The following TMC2 variants were observed in gnomAD, a reference collection of about 807,000 sequenced individuals.
The protein encoded by TMC2 is transmembrane channel-like protein 2.
Under a neutral mutation model 105.9 loss-of-function variants are expected in TMC2, and 102 were observed. That is an observed-to-expected ratio of 0.96 (90% CI 0.82 to 1.14). The LOEUF is 1.14. Among genes scored for constraint, TMC2 ranks in the 50% most tolerant of loss-of-function variants. TMC2 has a pLI of 0.00. For missense variants in TMC2, 1,093 were observed against 1,134.3 expected, an observed-to-expected ratio of 0.96 and a Z score of 0.52; for synonymous variants, 402 against 422.8, an observed-to-expected ratio of 0.95 and a Z score of 0.60.
At chr20:2,582,746 G>A (rs755996204) in intron 7 of TMC2, among the ~76,000 whole-genome samples, 1 of 152,214 alleles carries the variant, frequency 6.6e-6, no homozygotes, top group Non-Finnish European at 1.5e-5. Context: ...AAAGTGTTGG[G>A]ATTACAGGCA....
intron 9 of TMC2, among the ~76,000 whole-genome samples, chr20:2,596,007 G>A (rs931470918): frequency 1.3e-5 from 2 of 152,184 alleles, no homozygotes; most frequent in African/African-American, 4.8e-5. Context: ...TAGCCCTCAT[G>A]TTGTTGCTTT....
intron 7 of TMC2, among the ~76,000 whole-genome samples, chr20:2,581,958 C>T (rs2325890): frequency 0.71 from 107,872 of 151,834 alleles, 38,809 homozygotes; most frequent in African/African-American, 0.82. Flanking sequence ...GAAAACCATA[C>T]TGGAGTGGGT....
intron 2 of TMC2, among the ~76,000 whole-genome samples, chr20:2,551,352 C>T (rs760469598): frequency 7.0e-5 from 10 of 142,516 alleles, no homozygotes; most frequent in African/African-American, 2.1e-4. Context: ...TTTGGATACA[C>T]GTCCTTTGTC....
chr20:2,582,366 A>G (rs1287205735), intron 7 of TMC2, among the ~76,000 whole-genome samples: 1 of 152,256 alleles, frequency 6.6e-6, no homozygotes, highest in East Asian at 1.9e-4. Context: ...GCTAAGGTTC[A>G]GAGATATCCC....
At chr20:2,603,257 T>C (rs754275833) in intron 11 of TMC2, among the ~76,000 whole-genome samples, 21 of 148,374 alleles carry the variant, frequency 1.4e-4, no homozygotes, top group Admixed American at 2.7e-4. Flanking sequence ...CACAGAATCA[T>C]GAGCTAAATA....
intron 4 of TMC2, 90 bp from the exon 5 acceptor site, chr20:2,572,089 C>A: frequency 2.1e-6 from 2 of 947,394 alleles, no homozygotes; most frequent in East Asian, 2.4e-5. Flanking sequence ...AAGACATAAG[C>A]CTTCACACAT....
chr20:2,580,304 C>T (rs962410894), intron 7 of TMC2, among the ~76,000 whole-genome samples: 1 of 152,148 alleles, frequency 6.6e-6, no homozygotes, highest in Non-Finnish European at 1.5e-5. Context: ...ACTACAATTA[C>T]TTTTGCACCA....
At chr20:2,601,628 G>A (rs929328597) in intron 10 of TMC2, among the ~76,000 whole-genome samples, 7 of 151,930 alleles carry the variant, frequency 4.6e-5, no homozygotes, top group African/African-American at 1.5e-4. Context: ...ATCACCTAAG[G>A]TCAGGAGATC....
chr20:2,625,903 G>C (rs962751692), intron 17 of TMC2, among the ~76,000 whole-genome samples: 2 of 152,094 alleles, frequency 1.3e-5, no homozygotes, highest in African/African-American at 4.8e-5. Flanking sequence ...CTATTTTCTT[G>C]AACATAGTGG....
At chr20:2,554,196 A>G (rs1483218465) in intron 2 of TMC2, among the ~76,000 whole-genome samples, 1 of 152,064 alleles carries the variant, frequency 6.6e-6, no homozygotes, top group Non-Finnish European at 1.5e-5. Flanking sequence ...CTCCTTTATT[A>G]TCTTTTTAAT....
intron 2 of TMC2, among the ~76,000 whole-genome samples, chr20:2,541,758 G>A (rs1164846267): frequency 3.3e-5 from 5 of 151,926 alleles, no homozygotes; most frequent in South Asian, 4.1e-4. Context: ...TTTATATTGC[G>A]ACCAGTAATA....
In TMC2 at chr20:2,558,548, C is replaced by A. The variant is rs2085999679; in HGVS notation, c.175C>A (p.Arg59Ser). 6.4e-7 allele frequency: 1 copy of A among 1,553,226 alleles called. No homozygotes were observed. The highest frequency in any genetic ancestry group is 8.7e-7 in the Non-Finnish European group (1 of 1,148,172). The change falls in exon 3 of 20, where the codon CGC becomes AGC. Residue 59 changes from arginine (R) to serine (S), a missense_variant. Coordinates refer to ENST00000358864, the MANE Select transcript of TMC2 (RefSeq NM_080751.3). The surrounding 1 kb of genome is among the most constrained non-coding windows in gnomAD (Gnocchi z 4.6). ...RRGAQRSQKERAGGSPSPGSP... is the reference protein window; with the variant it reads ...RRGAQRSQKESAGGSPSPGSP... Reference sequence around the variant, plus strand: ...CGGAGCTCAGCGAAGCCAGAAGGAGCGCGCCGGGGGCAGCCCAAGCCCGGG... The same window carrying A: ...CGGAGCTCAGCGAAGCCAGAAGGAGAGCGCCGGGGGCAGCCCAAGCCCGGG...
intron 2 of TMC2, among the ~76,000 whole-genome samples, chr20:2,546,695 A>G (rs2085928516): frequency 6.6e-6 from 1 of 152,180 alleles, no homozygotes. Context: ...AGTCCTTCCA[A>G]CTGGGGTTCT....
At chr20:2,628,974 C>G (rs6037151) in intron 17 of TMC2, among the ~76,000 whole-genome samples, 1 of 143,458 alleles carries the variant, frequency 7.0e-6, no homozygotes, top group Non-Finnish European at 1.6e-5. Context: ...TGGTGGCGGG[C>G]GCCTGTGGTC....
At chr20:2,625,503 T>C (rs1432437652) in intron 17 of TMC2, among the ~76,000 whole-genome samples, 2 of 152,242 alleles carry the variant, frequency 1.3e-5, no homozygotes, top group Non-Finnish European at 2.9e-5. Context: ...TTTTAAACCT[T>C]TTCATGAATG....
chr20:2,573,255 T>C (rs2086115919), intron 5 of TMC2, among the ~76,000 whole-genome samples: 1 of 152,324 alleles, frequency 6.6e-6, no homozygotes, highest in East Asian at 1.9e-4. Context: ...TTTCTTTTAA[T>C]CCTGTATTTA....
chr20:2,554,596 A>G (rs146193635), intron 2 of TMC2, among the ~76,000 whole-genome samples: 1 of 152,202 alleles, frequency 6.6e-6, no homozygotes, highest in Non-Finnish European at 1.5e-5. Context: ...CTTTCTAAGC[A>G]CTGCTTTTGC....
At chr20:2,557,009 T>C (rs2085989290) in intron 2 of TMC2, among the ~76,000 whole-genome samples, 2 of 152,174 alleles carry the variant, frequency 1.3e-5, no homozygotes. Flanking sequence ...TTTCAAGATT[T>C]TATCTTTGTC....
rs566547586 is a variant in TMC2 at position 2,537,118 on chromosome 20, G to A, written c.35-151G>A. 7 of 684,444 alleles carry A rather than the reference G, an allele frequency of 1.0e-5. No individual in the cohort carries two copies. In the Admixed American group the frequency reaches 1.6e-4, roughly 15 times the overall value. The allele number at this position is 684,444 out of a possible 1,614,324, so 42.4% of individuals were successfully genotyped here. A position where few individuals can be genotyped will look rare whatever the true frequency, so the allele number is the denominator to read the frequency against. On this transcript the variant is annotated intron_variant, in intron 1 of 19. Transcript: ENST00000358864. ...TATCAGACAAATGTGACAGGCAGGGGACTCTATAATTTGCTGAGTAAAATC... is the reference window on the plus strand; with the variant it reads ...TATCAGACAAATGTGACAGGCAGGGAACTCTATAATTTGCTGAGTAAAATC...
Sources: gnomAD v4.1 joint callset for allele counts (sites outside exome capture counted in the v4.1 genomes callset) on GRCh38, gnomAD v4.1.1 for gene constraint, Gnocchi (gnomAD v3.1) non-coding constraint, MANE v1.5 for transcripts, NCBI Gene and HGNC (gene_info 2026-07-23, HGNC 2026-07-21) for gene names.